CACNA2D1: variants seen among roughly 807,000 people sequenced by gnomAD.
CACNA2D1 encodes calcium voltage-gated channel auxiliary subunit alpha2delta 1.
In CACNA2D1, 53 loss-of-function variants were observed where a neutral mutation model predicts 171.5. That is an observed-to-expected ratio of 0.31 (90% CI 0.25 to 0.39). CACNA2D1 has a LOEUF of 0.39. CACNA2D1 is among the 10% of genes least tolerant of loss of function. CACNA2D1 has a pLI of 1.00. For synonymous variants in CACNA2D1, 442 were observed against 443.1 expected, an observed-to-expected ratio of 1.00 and a Z score of 0.03; for missense variants, 903 against 1,299.8, an observed-to-expected ratio of 0.69 and a Z score of 4.69.
chr7:82,360,186 A>T (rs1256320848), intron 1 of CACNA2D1, among the ~76,000 whole-genome samples: 1 of 152,194 alleles, frequency 6.6e-6, no homozygotes, highest in Non-Finnish European at 1.5e-5. Context: ...GAACTTGGAG[A>T]TACCTCTTGT....
chr7:82,326,986 G>A (rs568901665), intron 3 of CACNA2D1, among the ~76,000 whole-genome samples: 11 of 152,228 alleles, frequency 7.2e-5, no homozygotes, highest in Admixed American at 5.9e-4. Flanking sequence ...TCTACTCTTC[G>A]TATTGCGCCA....
chr7:82,244,877 C>A (rs904775185), intron 3 of CACNA2D1, among the ~76,000 whole-genome samples: 1 of 152,152 alleles, frequency 6.6e-6, no homozygotes, highest in African/African-American at 2.4e-5. Flanking sequence ...TTTCCACAAT[C>A]TTTCCCTAAC....
chr7:82,013,118 A>G (rs1382443636), intron 14 of CACNA2D1, among the ~76,000 whole-genome samples: 2 of 152,144 alleles, frequency 1.3e-5, no homozygotes, highest in South Asian at 2.1e-4. Flanking sequence ...CACAGTACCT[A>G]CAATTTGAAG....
At chr7:82,163,959 C>A (rs35462981) in intron 4 of CACNA2D1, among the ~76,000 whole-genome samples, 39,181 of 151,568 alleles carry the variant, frequency 0.26, 5,359 homozygotes, top group Middle Eastern at 0.35. Context: ...GATCACAGAG[C>A]CAAGAGTTTT....
At chr7:82,132,882 G>A (rs992453140) in intron 5 of CACNA2D1, among the ~76,000 whole-genome samples, 1 of 152,104 alleles carries the variant, frequency 6.6e-6, no homozygotes, top group Non-Finnish European at 1.5e-5. Flanking sequence ...CTCTGAGCTT[G>A]TCCAATGAAA....
intron 38 of CACNA2D1, among the ~76,000 whole-genome samples, chr7:81,955,978 AT>A (rs1793263172): frequency 2.0e-5 from 1 of 49,228 alleles, no homozygotes; most frequent in Non-Finnish European, 3.8e-5. Context: ...ATATATATAT[AT>A]ATTTTTTTTT....
chr7:82,318,687 T>C (rs1380827547), intron 3 of CACNA2D1, among the ~76,000 whole-genome samples: 7 of 152,190 alleles, frequency 4.6e-5, no homozygotes, highest in Non-Finnish European at 1.0e-4. Context: ...CCACATCTGA[T>C]GTAAAATAAA....
At chr7:82,054,376 C>T (rs1266775781) in intron 10 of CACNA2D1, among the ~76,000 whole-genome samples, 2 of 152,214 alleles carry the variant, frequency 1.3e-5, no homozygotes, top group African/African-American at 2.4e-5. Context: ...AGAGAATTAA[C>T]ATTACTTGGG....
intron 18 of CACNA2D1, among the ~76,000 whole-genome samples, chr7:81,999,857 T>A (rs537246908): frequency 6.6e-6 from 1 of 152,344 alleles, no homozygotes; most frequent in East Asian, 1.9e-4. Flanking sequence ...GACTTTCATA[T>A]GCAACAATAG....
intron 10 of CACNA2D1, among the ~76,000 whole-genome samples, chr7:82,040,851 T>C (rs549644428): frequency 1.3e-5 from 2 of 152,184 alleles, no homozygotes; most frequent in East Asian, 3.9e-4. Flanking sequence ...GGTGCATGCT[T>C]GTAATGCCAG....
intron 3 of CACNA2D1, among the ~76,000 whole-genome samples, chr7:82,179,377 C>T (rs982103709): frequency 1.3e-5 from 2 of 152,080 alleles, no homozygotes; most frequent in African/African-American, 4.8e-5. Flanking sequence ...ATACTATAGT[C>T]CTGCTGATAA....
intron 5 of CACNA2D1, among the ~76,000 whole-genome samples, chr7:82,123,696 G>A (rs930092538): frequency 6.6e-6 from 1 of 152,096 alleles, no homozygotes; most frequent in Non-Finnish European, 1.5e-5. Context: ...AATCCAAAAT[G>A]TGTAGCACTG....
chr7:81,955,420 G>T (rs1160117117), intron 38 of CACNA2D1, among the ~76,000 whole-genome samples: 1 of 152,062 alleles, frequency 6.6e-6, no homozygotes, highest in Admixed American at 6.6e-5. Flanking sequence ...CAACTTAATT[G>T]TTTCAGAGAA....
chr7:82,066,413 C>T (rs775011826), intron 8 of CACNA2D1, 42 bp downstream of exon 8: 2 of 1,607,026 alleles, frequency 1.2e-6, no homozygotes, highest in African/African-American at 1.3e-5. Flanking sequence ...TATATATCTT[C>T]TTGCCTATTT....
intron 18 of CACNA2D1, among the ~76,000 whole-genome samples, chr7:81,998,044 G>C (rs1178990884): frequency 6.6e-6 from 1 of 151,786 alleles, no homozygotes; most frequent in African/African-American, 2.4e-5. Flanking sequence ...GATACTGTTA[G>C]TCTGGCAAAT....
chr7:82,124,053 G>A (rs188750112), intron 5 of CACNA2D1, among the ~76,000 whole-genome samples: 68 of 151,928 alleles, frequency 4.5e-4, no homozygotes, highest in Non-Finnish European at 8.1e-4. Flanking sequence ...AAGCAATTAT[G>A]GATACAAAGC....
intron 6 of CACNA2D1, among the ~76,000 whole-genome samples, chr7:82,091,894 A>G (rs1811217587): frequency 6.6e-6 from 1 of 152,242 alleles, no homozygotes. Flanking sequence ...GTCTAAAAAA[A>G]TGAATATAGC....
chr7:82,237,955 T>C (rs1411705008), intron 3 of CACNA2D1, among the ~76,000 whole-genome samples: 1 of 151,894 alleles, frequency 6.6e-6, no homozygotes, highest in African/African-American at 2.4e-5. Context: ...TCATTACTGT[T>C]ACTCATGGTT....
chr7:81,964,163 T>C (rs770266829), intron 33 of CACNA2D1, 44 bp downstream of exon 33: 7 of 1,610,896 alleles, frequency 4.3e-6, no homozygotes, highest in Admixed American at 3.3e-5. Flanking sequence ...CTGAGGACAC[T>C]TGAGTACCCC....
Sources: gnomAD v4.1 joint callset for allele counts (sites outside exome capture counted in the v4.1 genomes callset) on GRCh38, gnomAD v4.1.1 for gene constraint, MANE v1.5 for transcripts, NCBI Gene and HGNC (gene_info 2026-07-23, HGNC 2026-07-21) for gene names.